The following PACS1 variants were observed in gnomAD, a reference collection of about 807,000 sequenced individuals.
PACS1 encodes phosphofurin acidic cluster sorting protein 1, also known as PACS-1.
In PACS1, 24 loss-of-function variants were observed where a neutral mutation model predicts 115.0. That is an observed-to-expected ratio of 0.21 (90% CI 0.15 to 0.29). PACS1 has a LOEUF of 0.29. Among genes scored for constraint, PACS1 ranks in the 10% least tolerant of loss-of-function variants. The pLI, the probability that PACS1 is intolerant of heterozygous loss-of-function variation, is 1.00. For missense variants in PACS1, 838 were observed against 1,251.2 expected, an observed-to-expected ratio of 0.67 and a Z score of 4.98; for synonymous variants, 453 against 504.5, an observed-to-expected ratio of 0.90 and a Z score of 1.37.
intron 4 of PACS1, among the ~76,000 whole-genome samples, chr11:66,214,683 G>A (rs1331980346): frequency 7.3e-6 from 1 of 137,772 alleles, no homozygotes; most frequent in African/African-American, 2.7e-5. Flanking sequence ...ATGCAGTGGT[G>A]CAATCACAGC....
At chr11:66,187,269 CA>C (rs1211096085) in intron 1 of PACS1, among the ~76,000 whole-genome samples, 7 of 152,104 alleles carry the variant, frequency 4.6e-5, no homozygotes, top group Non-Finnish European at 8.8e-5. Flanking sequence ...ATGAACAGAA[CA>C]GGGGGATTAG....
At chr11:66,238,539 C>A in intron 19 of PACS1, 1 of 380,194 alleles carries the variant, frequency 2.6e-6, no homozygotes, top group Non-Finnish European at 4.5e-6. Context: ...CTCGCTCTGT[C>A]GCCCAGGCTG....
Position 66,075,200 on chromosome 11 carries a change from T to C in PACS1, c.356+4358T>C, listed in dbSNP as rs1857375114. Among the ~76,000 whole-genome samples, 6 of 152,250 alleles carry C rather than the reference T, an allele frequency of 3.9e-5. No individual in the cohort carries two copies. In the South Asian group the frequency reaches 1.2e-3, roughly 32 times the overall value. ...GCTTGTGATCTGCCCGCCTTGGCCTTCCAAAGTGCTGGGATTACAGGCGTG... is the reference window on the plus strand; with the variant it reads ...GCTTGTGATCTGCCCGCCTTGGCCTCCCAAAGTGCTGGGATTACAGGCGTG... On this transcript the variant is annotated intron_variant, in intron 1 of 23. Coordinates refer to ENST00000320580, the MANE Select transcript of PACS1 (RefSeq NM_018026.4).
At chr11:66,169,966 A>G (rs1360268700) in intron 1 of PACS1, among the ~76,000 whole-genome samples, 1 of 150,644 alleles carries the variant, frequency 6.6e-6, no homozygotes, top group Admixed American at 6.6e-5. Flanking sequence ...TCTCATTTTC[A>G]GAAGAGTTTA....
At chr11:66,239,972 C>G (rs1361744080) in intron 21 of PACS1, among the ~76,000 whole-genome samples, 1 of 152,226 alleles carries the variant, frequency 6.6e-6, no homozygotes, top group Admixed American at 6.5e-5. Flanking sequence ...GCCTGGGCCA[C>G]GTAGTGACGT....
intron 1 of PACS1, among the ~76,000 whole-genome samples, chr11:66,110,946 A>G (rs1858174247): frequency 2.0e-5 from 3 of 152,158 alleles, no homozygotes; most frequent in African/African-American, 7.2e-5. Flanking sequence ...AGTAAAATTG[A>G]TCTCGGAGTC....
chr11:66,156,274 A>G (rs1268873686), intron 1 of PACS1, among the ~76,000 whole-genome samples: 4 of 131,886 alleles, frequency 3.0e-5, no homozygotes, highest in Non-Finnish European at 6.4e-5. Flanking sequence ...TTTTTAAGAC[A>G]GAGTCTTGCT....
chr11:66,114,115 T>TTC (rs397722609), intron 1 of PACS1, among the ~76,000 whole-genome samples: 4 of 151,776 alleles, frequency 2.6e-5, no homozygotes, highest in Admixed American at 2.6e-4. Flanking sequence ...TGTTTTTTTT[T>TTC]CACATAAAAA....
At chr11:66,222,079 G>A (rs1267156854) in intron 10 of PACS1, among the ~76,000 whole-genome samples, 1 of 152,226 alleles carries the variant, frequency 6.6e-6, no homozygotes, top group Non-Finnish European at 1.5e-5. Context: ...TCGCACCACT[G>A]CTCTCCAGCC....
At chr11:66,081,843 G>A (rs1383528326) in intron 1 of PACS1, among the ~76,000 whole-genome samples, 2 of 151,958 alleles carry the variant, frequency 1.3e-5, no homozygotes, top group Non-Finnish European at 2.9e-5. Context: ...GGAAAATGAG[G>A]GTTTAAATGT....
intron 1 of PACS1, among the ~76,000 whole-genome samples, chr11:66,102,916 C>T (rs542055875): frequency 6.6e-6 from 1 of 152,212 alleles, no homozygotes; most frequent in East Asian, 1.9e-4. Context: ...CTGCAACCTC[C>T]ACCTCCCAGG....
At chr11:66,153,788 A>G (rs1012506175) in intron 1 of PACS1, among the ~76,000 whole-genome samples, 1 of 152,150 alleles carries the variant, frequency 6.6e-6, no homozygotes, top group African/African-American at 2.4e-5. Context: ...CAAAACAAAC[A>G]AACAAAAAAA....
chr11:66,098,050 G>T (rs957829368), intron 1 of PACS1, among the ~76,000 whole-genome samples: 3 of 152,092 alleles, frequency 2.0e-5, no homozygotes, highest in Non-Finnish European at 2.9e-5. Flanking sequence ...GGTGGTGGGC[G>T]CCTGTAGTCC....
chr11:66,105,512 C>T (rs529592450), intron 1 of PACS1, among the ~76,000 whole-genome samples: 1 of 152,094 alleles, frequency 6.6e-6, no homozygotes, highest in South Asian at 2.1e-4. Context: ...ACACTGCCTC[C>T]CTAAAATATG....
chr11:66,079,307 T>TG lies in PACS1; in HGVS notation c.356+8465_356+8466insG, dbSNP rs923377116. 3.5e-3 allele frequency among the ~76,000 whole-genome samples: 516 copies of TG among 148,796 alleles called. 1 individual carries two copies. Among genetic ancestry groups the TG allele is most frequent in the Admixed American group, 9.7e-3 (143 of 14,782 alleles). ...GTGAGACATTCTTTGTAGCAGGTTT[T>TG]TTTTTTTTTTTTTTAATAGTTTATT... On this transcript the variant is annotated intron_variant, in intron 1 of 23. Coordinates refer to ENST00000320580, the MANE Select transcript of PACS1 (RefSeq NM_018026.4).
chr11:66,079,089 G>T (rs1318995914), intron 1 of PACS1, among the ~76,000 whole-genome samples: 1 of 152,062 alleles, frequency 6.6e-6, no homozygotes, highest in Non-Finnish European at 1.5e-5. Flanking sequence ...TGTATTTTTA[G>T]TAGAGACAGG....
intron 1 of PACS1, among the ~76,000 whole-genome samples, chr11:66,072,827 C>T (rs537407564): frequency 2.0e-4 from 31 of 152,300 alleles, no homozygotes; most frequent in South Asian, 2.1e-4. Context: ...TTCTCCATCT[C>T]GTTAGGTTGA....
chr11:66,110,363 T>G (rs561878357), intron 1 of PACS1, among the ~76,000 whole-genome samples: 1 of 152,252 alleles, frequency 6.6e-6, no homozygotes, highest in African/African-American at 2.4e-5. Context: ...GTATGGTGGC[T>G]TTCACAGGCA....
At chr11:66,078,702 T>A in intron 1 of PACS1, among the ~76,000 whole-genome samples, 1 of 152,282 alleles carries the variant, frequency 6.6e-6, no homozygotes, top group East Asian at 1.9e-4. Context: ...CACAGGCACA[T>A]GCCAACATGC....
Sources: allele counts gnomAD v4.1 joint callset (sites outside exome capture counted in the v4.1 genomes callset), GRCh38; gene constraint gnomAD v4.1.1; transcripts MANE v1.5; gene names NCBI Gene and HGNC (gene_info 2026-07-23, HGNC 2026-07-21).